The following MED13 variants were observed in gnomAD, a reference collection of about 807,000 sequenced individuals.
MED13 encodes mediator of RNA polymerase II transcription subunit 13.
MED13 carries 23 observed loss-of-function variants against 225.2 expected under a neutral mutation model. The observed-to-expected ratio is 0.10, with a 90% CI of 0.07 to 0.14. The LOEUF (loss-of-function observed/expected upper bound fraction) is 0.14. Ranked by LOEUF, MED13 falls within the 10% of genes least tolerant of loss-of-function variation. The pLI, the probability that MED13 is intolerant of heterozygous loss-of-function variation, is 1.00. For missense variants in MED13, 2,197 were observed against 2,594.5 expected, an observed-to-expected ratio of 0.85 and a Z score of 3.33; for synonymous variants, 942 against 889.2, an observed-to-expected ratio of 1.06 and a Z score of -1.06.
At position 62,011,305 on chromosome 17, in the gene MED13, T is replaced by C; in HGVS notation, c.1284-72A>G. The C allele has an allele frequency of 2.4e-6, 3 of 1,252,268 alleles. No homozygotes were observed. The South Asian group carries it at 5.0e-5, about 21-fold the overall frequency. 77.6% of individuals were successfully genotyped at this position (1,252,268 alleles called of 1,614,324 possible). A position where few individuals can be genotyped will look rare whatever the true frequency, so the allele number is the denominator to read the frequency against. Reference sequence around the variant, plus strand: ...GGCGAAGTATAATACCAGTTAATAGTATTAGACACTTCGGTTATCATTTCT... The same window carrying C: ...GGCGAAGTATAATACCAGTTAATAGCATTAGACACTTCGGTTATCATTTCT... On this transcript the variant is annotated intron_variant, in intron 8 of 29. Coordinates refer to ENST00000397786, the MANE Select transcript of MED13 (RefSeq NM_005121.3).
intron 9 of MED13, among the ~76,000 whole-genome samples, chr17:62,008,036 A>AAAAAAAAAAAAAAAAAAT (rs2080469402): frequency 7.0e-6 from 1 of 142,330 alleles, no homozygotes; most frequent in African/African-American, 2.7e-5. Flanking sequence ...AAAAAAAAAA[A>AAAAAAAAAAAAAAAAAAT]GCTGTGCGCA....
chr17:62,006,156 C>T (rs1424539907), intron 9 of MED13: 1 of 151,316 alleles, frequency 6.6e-6, no homozygotes, highest in African/African-American at 2.4e-5. Context: ...ACTACATAAA[C>T]AACAGGAGAG....
intron 8 of MED13, among the ~76,000 whole-genome samples, chr17:62,016,296 C>T (rs2080580636): frequency 6.6e-6 from 1 of 151,928 alleles, no homozygotes; most frequent in Admixed American, 6.6e-5. Context: ...CTACAGCCTC[C>T]CAGGTAGCTG....
chr17:62,033,840 T>G lies in MED13; in HGVS notation c.761A>C (p.Gln254Pro), dbSNP rs1032013032. ...CCLKEMSEEK[Q>P]EDMDWEDDSL... ...ATCATCTTCCCAATCCATATCTTCCTGTTTTTCTTCAGACATCTCCTTCAA... is the reference window on the plus strand; with the variant it reads ...ATCATCTTCCCAATCCATATCTTCCGGTTTTTCTTCAGACATCTCCTTCAA... The change falls in exon 5 of 30, where the codon CAG (glutamine) becomes CCG (proline). Residue 254 changes from glutamine (Q) to proline (P), a missense_variant. Coordinates refer to ENST00000397786, the MANE Select transcript of MED13 (RefSeq NM_005121.3). The G allele has an allele frequency of 1.9e-6, 3 of 1,614,146 alleles. No homozygotes were observed. The highest frequency in any genetic ancestry group is 2.5e-6 in the Non-Finnish European group (3 of 1,180,000).
intron 27 of MED13, among the ~76,000 whole-genome samples, chr17:61,951,449 A>G (rs1293448706): frequency 5.9e-5 from 9 of 152,228 alleles, no homozygotes; most frequent in African/African-American, 2.2e-4. Context: ...GGCAACATGA[A>G]GGGACAACTA....
At chr17:62,003,599 C>CAAAAAAAAAAAAAAAAAAAAA (rs34451831) in intron 9 of MED13, 19 of 51,734 alleles carry the variant, frequency 3.7e-4, no homozygotes, top group East Asian at 1.7e-3. Context: ...CAGCAAAACT[C>CAAAAAAAAAAAAAAAAAAAAA]AAAAAAAAAA....
At chr17:61,993,084 A>C (rs1383439545) in intron 10 of MED13, among the ~76,000 whole-genome samples, 2 of 151,954 alleles carry the variant, frequency 1.3e-5, no homozygotes, top group Non-Finnish European at 2.9e-5. Context: ...TTTATCTTAT[A>C]GACAAAAGTA....
rs2079910189 is a variant in MED13, at chr17:61,953,007, A to G, written c.6075T>C (p.His2025=). 6.2e-7 allele frequency: 1 copy of G among 1,614,034 alleles called. No individual in the cohort carries two copies. Among genetic ancestry groups the G allele is most frequent in the Non-Finnish European group, 8.5e-7 (1 of 1,179,896 alleles). The change falls in exon 27 of 30, where the codon CAT becomes CAC. Residue 2025 remains histidine, a synonymous_variant. Coordinates refer to ENST00000397786, the MANE Select transcript of MED13 (RefSeq NM_005121.3). ...LPASPTGSPV[H]SPGSHYPHGG... ...CATGGGGGTAATGAGATCCTGGAGA[A>G]TGTACAGGAGAACCAGTTGGAGAAG... is the stretch of plus-strand genomic sequence containing the variant.
In MED13 at chr17:61,992,534, T is replaced by C. The variant is rs757867177; in HGVS notation, c.2263+6A>G. On this transcript the variant is annotated splice_donor_region_variant and intron_variant, in intron 11 of 29. Coordinates refer to ENST00000397786, the MANE Select transcript of MED13 (RefSeq NM_005121.3). The stretch of plus-strand genomic sequence containing the variant: ...CAATATTTTCATTAGGAAATAAAGA[T>C]TTTACCTTGCTTGATAGAGGGACTA... 7.6e-6 allele frequency: 12 copies of C among 1,585,542 alleles called. No homozygotes were observed. Among genetic ancestry groups the C allele is most frequent in the Admixed American group, 3.3e-5 (2 of 59,876 alleles).
intron 2 of MED13, among the ~76,000 whole-genome samples, chr17:62,059,691 G>A (rs1409540639): frequency 2.6e-5 from 4 of 152,202 alleles, no homozygotes; most frequent in Non-Finnish European, 5.9e-5. Context: ...TAGCTAGAGA[G>A]ACAGAGGCAG....
intron 3 of MED13, among the ~76,000 whole-genome samples, chr17:62,038,420 A>T (rs1187615997): frequency 6.6e-6 from 1 of 152,134 alleles, no homozygotes; most frequent in Non-Finnish European, 1.5e-5. Flanking sequence ...CTCATGACAA[A>T]GCATTTTAAA....
chr17:62,004,517 C>T (rs2080426908), intron 9 of MED13: 1 of 152,048 alleles, frequency 6.6e-6, no homozygotes, highest in African/African-American at 2.4e-5. Flanking sequence ...TCTAAAAGGC[C>T]ATGAGGAATG....
chr17:61,998,032 G>GT (rs1377946636), intron 9 of MED13, among the ~76,000 whole-genome samples: 2 of 152,036 alleles, frequency 1.3e-5, no homozygotes, highest in Non-Finnish European at 2.9e-5. Flanking sequence ...AATTTCAAGA[G>GT]TATCAAGACA....
intron 8 of MED13, among the ~76,000 whole-genome samples, chr17:62,014,128 T>C (rs1345275699): frequency 2.0e-5 from 3 of 151,808 alleles, no homozygotes; most frequent in East Asian, 3.9e-4. Flanking sequence ...CATTACTAGA[T>C]ATGGGACAAC....
chr17:61,946,924 C>T lies in MED13; in HGVS notation c.6385G>A (p.Val2129Ile). 6.2e-7 allele frequency: 1 copy of T among 1,609,756 alleles called. No individual in the cohort carries two copies. Among genetic ancestry groups the T allele is most frequent in the Non-Finnish European group, 8.5e-7 (1 of 1,176,072 alleles). ...ATGGTAAAAGAGTTGTACCTGAGGA[C>T]ATCTGAAGTCTGATTTGAGTCAAGT... ...HPLDSNQTSD[V>I]LRFVLEQYNA... Residue 2129 changes from valine to isoleucine, a missense_variant, in exon 29 of 30, where the codon GTC becomes ATC. Coordinates refer to ENST00000397786, the MANE Select transcript of MED13 (RefSeq NM_005121.3).
chr17:61,984,737 G>A lies in MED13; in HGVS notation c.2605C>T (p.Leu869=), dbSNP rs761171639. 1.2e-6 allele frequency: 2 copies of A among 1,613,664 alleles called. No homozygotes were observed. ...SMDTTPGGTV[L]EGNSSSIGAQ... ...CCTATACTAGAACTATTTCCTTCTA[G>A]AACAGTTCCTCCAGGTGTTGTATCC... is the stretch of plus-strand genomic sequence containing the variant. Residue 869 remains leucine, a synonymous_variant, in exon 14 of 30, where the codon CTA becomes TTA. Transcript: ENST00000397786.
chr17:61,954,409 T>TTCA (rs1336688784), intron 26 of MED13, among the ~76,000 whole-genome samples: 1 of 152,116 alleles, frequency 6.6e-6, no homozygotes, highest in Non-Finnish European at 1.5e-5. Context: ...ATAAAATGAG[T>TTCA]TCATGTACAG....
Position 62,063,126 on chromosome 17 carries a change from C to G in MED13, c.242G>C (p.Trp81Ser). The change falls in exon 2 of 30, where the codon TGG becomes TCG. Residue 81 changes from tryptophan to serine, a missense_variant. By Grantham distance (177) the Trp-to-Ser change is radical (BLOSUM62 -3). Transcript: ENST00000397786. ...GGGGTCTTCACCCCACCAAAATATC[C>G]ACAATTCTCTTCTTCCAGGTCTTTG... ...RDQRPGRRELWIFWWGEDPSF... is the reference protein window; with the variant it reads ...RDQRPGRRELSIFWWGEDPSF... The G allele has an allele frequency of 6.2e-7, 1 of 1,614,082 alleles. No individual in the cohort carries two copies. The highest frequency in any genetic ancestry group is 2.2e-5 in the East Asian group (1 of 44,874).
chr17:61,966,530 G>A lies in MED13; in HGVS notation c.4313C>T (p.Ala1438Val). The change falls in exon 19 of 30, where the codon GCA becomes GTA. Residue 1438 changes from alanine to valine, a missense_variant. This residue lies in a region of MED13 where 457 missense variants were observed against 442.2 expected (regional missense o/e 1.03). Coordinates refer to ENST00000397786, the MANE Select transcript of MED13 (RefSeq NM_005121.3). ...EKLVAEWFSQAADGNNEAFSK... is the reference protein window; with the variant it reads ...EKLVAEWFSQVADGNNEAFSK... The stretch of plus-strand genomic sequence containing the variant: ...AAATGCTTCATTGTTACCGTCAGCT[G>A]CCTGAGAAAACCATTCTGCTACCAA... The A allele has an allele frequency of 6.2e-7, 1 of 1,613,878 alleles. No homozygotes were observed.
Sources: gnomAD v4.1 joint callset for allele counts (sites outside exome capture counted in the v4.1 genomes callset) on GRCh38, gnomAD v4.1.1 for gene constraint, gnomAD v4.1.1 regional missense constraint, MANE v1.5 for transcripts, NCBI Gene and HGNC (gene_info 2026-07-23, HGNC 2026-07-21) for gene names.